TENM2: variants seen among roughly 807,000 people sequenced by gnomAD.
The protein encoded by TENM2 is teneurin-2.
A neutral mutation model predicts 245.2 loss-of-function variants in TENM2; 52 were observed. That is an observed-to-expected ratio of 0.21 (90% CI 0.17 to 0.27). The LOEUF (loss-of-function observed/expected upper bound fraction) is 0.27, where lower values mean the gene tolerates loss of function less well. Among genes scored for constraint, TENM2 ranks in the 10% least tolerant of loss-of-function variants. The pLI is 1.00. For synonymous variants in TENM2, 1,363 were observed against 1,438.9 expected (o/e 0.95, Z 1.19); for missense variants, 3,046 against 3,666.8 (o/e 0.83, Z 4.37).
At chr5:167,385,593 G>A (rs1185899525) in intron 2 of TENM2, among the ~76,000 whole-genome samples, 2 of 150,632 alleles carry the variant, frequency 1.3e-5, no homozygotes, top group Non-Finnish European at 3.0e-5. Context: ...GTGAGATTTT[G>A]GAGCACCCAT....
chr5:168,170,075 G>A (rs1401039544), intron 13 of TENM2, among the ~76,000 whole-genome samples: 1 of 152,180 alleles, frequency 6.6e-6, no homozygotes, highest in African/African-American at 2.4e-5. Flanking sequence ...TAGCAACAGG[G>A]ATCTGAAGTT....
intron 2 of TENM2, among the ~76,000 whole-genome samples, chr5:167,623,701 T>A (rs1289832741): frequency 6.6e-6 from 1 of 152,228 alleles, no homozygotes; most frequent in Non-Finnish European, 1.5e-5. Context: ...TTTGTTGTTG[T>A]TCTGTTTGCA....
intron 2 of TENM2, among the ~76,000 whole-genome samples, chr5:167,675,136 TATAATG>T (rs1436026109): frequency 6.6e-6 from 1 of 152,088 alleles, no homozygotes; most frequent in African/African-American, 2.4e-5. Flanking sequence ...GCCAATATAA[TATAATG>T]AGAGTTTGTA....
the TENM2 span, among the ~76,000 whole-genome samples, chr5:167,243,378 C>T: frequency 6.6e-6 from 1 of 152,042 alleles, no homozygotes. Context: ...GGATTTTACC[C>T]TAGGAATTGC....
At chr5:167,411,758 G>A (rs542280809) in intron 2 of TENM2, among the ~76,000 whole-genome samples, 1 of 152,162 alleles carries the variant, frequency 6.6e-6, no homozygotes, top group South Asian at 2.1e-4. Flanking sequence ...GCAAAATCAT[G>A]TTATTAAAAC....
chr5:167,964,387 C>T (rs943966528), intron 4 of TENM2, among the ~76,000 whole-genome samples: 1 of 152,094 alleles, frequency 6.6e-6, no homozygotes, highest in Non-Finnish European at 1.5e-5. Context: ...TCACTTTTGC[C>T]CTGACATACT....
the TENM2 span, among the ~76,000 whole-genome samples, chr5:167,134,304 C>A: frequency 1.3e-5 from 2 of 152,148 alleles, no homozygotes; most frequent in African/African-American, 4.8e-5. Flanking sequence ...TATTGGACAG[C>A]TTTTTCACTA....
chr5:168,045,715 A>AT (rs1338123799), intron 5 of TENM2, among the ~76,000 whole-genome samples: 1 of 152,218 alleles, frequency 6.6e-6, no homozygotes, highest in African/African-American at 2.4e-5. Context: ...CAATAGTATC[A>AT]TTTTTTTAAA....
At chr5:167,671,462 G>A (rs982663537) in intron 2 of TENM2, among the ~76,000 whole-genome samples, 3 of 152,024 alleles carry the variant, frequency 2.0e-5, no homozygotes, top group Admixed American at 6.6e-5. Context: ...TACACAGACT[G>A]GGCCCCACTG....
chr5:167,501,791 T>A (rs932956757), intron 2 of TENM2, among the ~76,000 whole-genome samples: 3 of 152,136 alleles, frequency 2.0e-5, no homozygotes, highest in African/African-American at 7.2e-5. Context: ...TACCTTATTT[T>A]TTGGTGGCAG....
At chr5:167,585,535 A>G (rs994473163) in intron 2 of TENM2, among the ~76,000 whole-genome samples, 11 of 152,178 alleles carry the variant, frequency 7.2e-5, no homozygotes, top group Admixed American at 3.3e-4. Flanking sequence ...CTATGGGACC[A>G]TGTCACTTTA....
chr5:167,151,492 G>A, the TENM2 span, among the ~76,000 whole-genome samples: 1 of 152,110 alleles, frequency 6.6e-6, no homozygotes, highest in African/African-American at 2.4e-5. Flanking sequence ...AATATTTACA[G>A]CTAAAAAGCA....
intron 13 of TENM2, among the ~76,000 whole-genome samples, chr5:168,178,403 G>C (rs1416563013): frequency 6.6e-6 from 1 of 152,154 alleles, no homozygotes; most frequent in Non-Finnish European, 1.5e-5. Context: ...CAGAGGCCAA[G>C]AGCAGAGGCC....
At chr5:167,746,675 C>CAGAGAGAGAGAGAGAGAGAGAGAGAGAG (rs57973052) in intron 2 of TENM2, among the ~76,000 whole-genome samples, 35 of 117,180 alleles carry the variant, frequency 3.0e-4, no homozygotes, top group Non-Finnish European at 3.9e-4. Context: ...AAATTACCAA[C>CAGAGAGAGAGAGAGAGAGAGAGAGAGAG]AGAGAGAGAG....
intron 2 of TENM2, among the ~76,000 whole-genome samples, chr5:167,689,662 C>T (rs558293125): frequency 2.0e-5 from 3 of 152,302 alleles, no homozygotes; most frequent in South Asian, 4.1e-4. Context: ...AGAAGACTAG[C>T]GTAGCTGGAA....
chr5:167,217,854 C>T, the TENM2 span, among the ~76,000 whole-genome samples: 3 of 148,912 alleles, frequency 2.0e-5, no homozygotes, highest in Non-Finnish European at 3.0e-5. Context: ...GACTATGAGA[C>T]GAAACAGAAG....
intron 12 of TENM2, among the ~76,000 whole-genome samples, chr5:168,128,638 A>C (rs1796024484): frequency 6.6e-6 from 1 of 152,242 alleles, no homozygotes; most frequent in Admixed American, 6.5e-5. Context: ...GAAATAGCTC[A>C]CAAGAGGGCA....
chr5:168,057,412 A>G (rs1347135), intron 6 of TENM2, among the ~76,000 whole-genome samples: 54,426 of 151,956 alleles, frequency 0.36, 10,659 homozygotes, highest in African/African-American at 0.51. Flanking sequence ...ATAGGCTAAT[A>G]AGGAATGCCA....
In TENM2 at chr5:168,247,148, C is replaced by T; in HGVS notation, c.6209C>T (p.Pro2070Leu). Residue 2070 changes from proline (P) to leucine (L), a missense_variant, in exon 27 of 29, where the codon CCC becomes CTC. Physicochemically the swap from Pro to Leu is moderately conservative, Grantham distance 98. Coordinates refer to ENST00000518659, the Ensembl canonical transcript of TENM2. This position sits in a 1 kb window ranked among gnomAD's most constrained non-coding sequence, Gnocchi z 7.8. ...ACCATCAGGTACCGGAAGATTGGCC[C>T]CCTGGTGGACAAGCAGATCTACAGG... 1.9e-6 allele frequency: 3 copies of T among 1,613,742 alleles called. No homozygotes were observed. Among genetic ancestry groups the T allele is most frequent in the Non-Finnish European group, 2.5e-6 (3 of 1,179,872 alleles).
Sources: gnomAD v4.1 joint callset for allele counts (sites outside exome capture counted in the v4.1 genomes callset) on GRCh38, gnomAD v4.1.1 for gene constraint, Gnocchi (gnomAD v3.1) non-coding constraint, MANE v1.5 for transcripts, NCBI Gene and HGNC (gene_info 2026-07-23, HGNC 2026-07-21) for gene names.